C7orf78: variants seen among roughly 807,000 people sequenced by gnomAD.
C7orf78 encodes putative uncharacterized protein C7orf78.
the C7orf78 span, chr7:12,491,004 G>C: frequency 1.3e-5 from 2 of 151,954 alleles, no homozygotes; most frequent in Admixed American, 1.3e-4. Context: ...GAGACTTCTC[G>C]GTGCTGTATG....
the C7orf78 span, among the ~76,000 whole-genome samples, chr7:12,517,016 T>C: frequency 5.3e-5 from 8 of 152,004 alleles, no homozygotes; most frequent in African/African-American, 1.9e-4. Context: ...GCATGATTGG[T>C]TTTGAAATGT....
chr7:12,503,807 C>A, the C7orf78 span, among the ~76,000 whole-genome samples: 1 of 151,884 alleles, frequency 6.6e-6, no homozygotes, highest in Non-Finnish European at 1.5e-5. Context: ...GAGGAATTTT[C>A]CACATAAATT....
the C7orf78 span, among the ~76,000 whole-genome samples, chr7:12,536,949 G>A: frequency 3.9e-5 from 6 of 152,122 alleles, no homozygotes; most frequent in African/African-American, 7.2e-5. Flanking sequence ...TTTGGTCAAA[G>A]CCATTCAACA....
At chr7:12,503,482 G>C in the C7orf78 span, among the ~76,000 whole-genome samples, 1 of 151,978 alleles carries the variant, frequency 6.6e-6, no homozygotes, top group South Asian at 2.1e-4. Context: ...GAAAAAGTTG[G>C]AGATATATTT....
the C7orf78 span, among the ~76,000 whole-genome samples, chr7:12,489,784 G>A: frequency 1.3e-5 from 2 of 152,130 alleles, no homozygotes; most frequent in Admixed American, 6.6e-5. Flanking sequence ...GATATGGATA[G>A]GACCAATATT....
the C7orf78 span, among the ~76,000 whole-genome samples, chr7:12,495,537 C>T: frequency 2.0e-5 from 3 of 152,094 alleles, no homozygotes; most frequent in Non-Finnish European, 4.4e-5. Flanking sequence ...TTGGTTATTT[C>T]CAGTTTGGAA....
At chr7:12,518,549 A>C in the C7orf78 span, among the ~76,000 whole-genome samples, 2 of 152,112 alleles carry the variant, frequency 1.3e-5, no homozygotes, top group Non-Finnish European at 1.5e-5. Flanking sequence ...TAGATGGCAC[A>C]TGTGAGTGTG....
the C7orf78 span, among the ~76,000 whole-genome samples, chr7:12,519,045 G>T: frequency 1.3e-5 from 2 of 152,102 alleles, no homozygotes; most frequent in Admixed American, 6.5e-5. Context: ...ACTTGTTTCA[G>T]CTCCCTGCTG....
chr7:12,492,898 A>G, the C7orf78 span, among the ~76,000 whole-genome samples: 11 of 152,210 alleles, frequency 7.2e-5, no homozygotes, highest in African/African-American at 1.9e-4. Context: ...CACTTAGGAT[A>G]TCTGTTTAAA....
the C7orf78 span, among the ~76,000 whole-genome samples, chr7:12,539,334 C>T: frequency 6.6e-6 from 1 of 151,984 alleles, no homozygotes; most frequent in African/African-American, 2.4e-5. Flanking sequence ...CGTGGTGGCA[C>T]GCACCTGTAG....
At chr7:12,541,682 A>G in the C7orf78 span, 1 of 152,106 alleles carries the variant, frequency 6.6e-6, no homozygotes, top group Non-Finnish European at 1.5e-5. Flanking sequence ...AAGAAAAGAA[A>G]AGAAAAAGAG....
the C7orf78 span, among the ~76,000 whole-genome samples, chr7:12,502,668 G>A: frequency 2.6e-5 from 4 of 151,992 alleles, no homozygotes; most frequent in African/African-American, 7.3e-5. Context: ...TGTAGAAGTT[G>A]GTGTGGTGAT....
chr7:12,500,250 A>C, the C7orf78 span, among the ~76,000 whole-genome samples: 1 of 152,134 alleles, frequency 6.6e-6, no homozygotes, highest in African/African-American at 2.4e-5. Context: ...TGAAGGAAAT[A>C]GAGACACAAG....
At chr7:12,520,665 G>A in the C7orf78 span, among the ~76,000 whole-genome samples, 1 of 152,154 alleles carries the variant, frequency 6.6e-6, no homozygotes, top group South Asian at 2.1e-4. Context: ...TCCTGGAGAC[G>A]GTTACATTTG....
the C7orf78 span, among the ~76,000 whole-genome samples, chr7:12,536,762 C>T: frequency 1.3e-5 from 2 of 152,128 alleles, no homozygotes; most frequent in African/African-American, 4.8e-5. Flanking sequence ...GCCAGATACC[C>T]TAAATTATCT....
chr7:12,505,008 A>G, the C7orf78 span, among the ~76,000 whole-genome samples: 2 of 152,110 alleles, frequency 1.3e-5, no homozygotes, highest in African/African-American at 4.8e-5. Context: ...TTTACTAACT[A>G]AAGAAATGTA....
the C7orf78 span, among the ~76,000 whole-genome samples, chr7:12,501,764 A>T: frequency 6.8e-6 from 1 of 147,166 alleles, no homozygotes; most frequent in Non-Finnish European, 1.5e-5. Flanking sequence ...AAAAGAGCCC[A>T]CATTGCCAAG....
At chr7:12,484,854 T>A in the C7orf78 span, among the ~76,000 whole-genome samples, 2 of 36,290 alleles carry the variant, frequency 5.5e-5, no homozygotes, top group African/African-American at 1.1e-4. Context: ...TTGCAATAAT[T>A]TTTTTTTTAA....
chr7:12,521,729 CA>C, the C7orf78 span, among the ~76,000 whole-genome samples: 6 of 145,080 alleles, frequency 4.1e-5, no homozygotes, highest in South Asian at 1.1e-3. Context: ...TTCTGAAATA[CA>C]AATAACTTGC....
Sources: allele counts gnomAD v4.1 joint callset (sites outside exome capture counted in the v4.1 genomes callset), GRCh38; gene constraint gnomAD v4.1.1; transcripts MANE v1.5; gene names NCBI Gene and HGNC (gene_info 2026-07-23, HGNC 2026-07-21).